The following CWC27 variants were observed in gnomAD, a reference collection of about 807,000 sequenced individuals.
The protein encoded by CWC27 is spliceosome-associated protein CWC27 homolog.
CWC27 carries 47 observed loss-of-function variants against 63.6 expected under a neutral mutation model. The observed-to-expected ratio is 0.74, with a 90% confidence interval of 0.58 to 0.94. The LOEUF (loss-of-function observed/expected upper bound fraction) is 0.94. CWC27 is among the 40% of genes least tolerant of loss of function. The probability of loss-of-function intolerance (pLI) is 0.00; values close to 1 mark genes in which losing one functional copy is unlikely to be tolerated. For synonymous variants in CWC27, 175 were observed against 179.8 expected, an observed-to-expected ratio of 0.97 and a Z score of 0.22; for missense variants, 495 against 554.3, an observed-to-expected ratio of 0.89 and a Z score of 1.07.
At chr5:64,867,949 C>CTGT (rs879893810) in intron 10 of CWC27, among the ~76,000 whole-genome samples, 3,944 of 146,234 alleles carry the variant, frequency 0.027, 95 homozygotes, top group African/African-American at 0.066. Context: ...GGGGGGGGGG[C>CTGT]TGTTGTTGTT....
intron 10 of CWC27, among the ~76,000 whole-genome samples, chr5:64,828,307 G>C (rs1745422490): frequency 2.0e-5 from 3 of 152,060 alleles, no homozygotes; most frequent in Admixed American, 1.3e-4. Flanking sequence ...AATGTTTACA[G>C]CACCTAAATA....
At position 64,910,593 on chromosome 5, in the gene CWC27, C is replaced by T. The variant is rs1005922043; in HGVS notation, c.1042+25047C>T. On this transcript the variant is annotated intron_variant, in intron 11 of 13. Coordinates refer to ENST00000381070, the MANE Select transcript of CWC27 (RefSeq NM_005869.4). ...AGAGGCAGCAGGCCTTGCTGAGCTG[C>T]GGTGGGCTCCACCCAGTTCAAGCTT... 1.3e-4 allele frequency among the ~76,000 whole-genome samples: 20 copies of T among 152,314 alleles called. 1 individual carries two copies. The highest frequency in any genetic ancestry group is 3.9e-4 in the Admixed American group (6 of 15,310).
chr5:64,808,381 A>C, intron 10 of CWC27: 4 of 960,802 alleles, frequency 4.2e-6, no homozygotes, highest in Non-Finnish European at 5.0e-6. Flanking sequence ...CACCCTTTTC[A>C]CACTCCTGTA....
At chr5:65,003,764 G>T (rs1185968921) in intron 13 of CWC27, among the ~76,000 whole-genome samples, 3 of 151,842 alleles carry the variant, frequency 2.0e-5, no homozygotes, top group Non-Finnish European at 4.4e-5. Context: ...TGAGAAATCT[G>T]CTGATAGTCT....
At chr5:64,957,700 G>C (rs1268913198) in intron 11 of CWC27, among the ~76,000 whole-genome samples, 1 of 152,156 alleles carries the variant, frequency 6.6e-6, no homozygotes, top group Non-Finnish European at 1.5e-5. Context: ...TCCCTGATAA[G>C]TTTATGTAGT....
chr5:64,921,072 CT>C (rs1747987846), intron 11 of CWC27, among the ~76,000 whole-genome samples: 1 of 152,078 alleles, frequency 6.6e-6, no homozygotes, highest in African/African-American at 2.4e-5. Context: ...CTTGTTGTAG[CT>C]GTTTAGTGCT....
chr5:64,831,511 T>TAGAC lies in CWC27; in HGVS notation c.938+27131_938+27134dup, dbSNP rs1048913501. Among the ~76,000 whole-genome samples the TAGAC allele has an allele frequency of 2.1e-3, 325 of 151,802 alleles. 1 individual carries two copies. The highest frequency in any genetic ancestry group is 7.1e-3 in the South Asian group (34 of 4,800). On this transcript the variant is annotated intron_variant, in intron 10 of 13. Coordinates refer to ENST00000381070, the MANE Select transcript of CWC27 (RefSeq NM_005869.4). ...ATAGATAGATAGATAGATAGATAGATAGACAGACACATAGATAGATATGGA... is the reference window on the plus strand; with the variant it reads ...ATAGATAGATAGATAGATAGATAGATAGACAGACAGACACATAGATAGATATGGA...
chr5:64,895,650 A>G (rs1452319175), intron 11 of CWC27, among the ~76,000 whole-genome samples: 1 of 152,196 alleles, frequency 6.6e-6, no homozygotes, highest in Non-Finnish European at 1.5e-5. Context: ...GAGATCCACA[A>G]AAAGTTCAGA....
intron 11 of CWC27, among the ~76,000 whole-genome samples, chr5:64,921,865 C>T (rs1053229972): frequency 6.6e-6 from 1 of 152,168 alleles, no homozygotes; most frequent in African/African-American, 2.4e-5. Context: ...GTAACAAAGT[C>T]CCTTAGCATT....
intron 2 of CWC27, among the ~76,000 whole-genome samples, chr5:64,780,689 G>GCA (rs1171891056): frequency 4.1e-4 from 18 of 43,712 alleles, no homozygotes; most frequent in Admixed American, 3.4e-3. Flanking sequence ...ATACACACGC[G>GCA]CACACGCGCG....
intron 10 of CWC27, among the ~76,000 whole-genome samples, chr5:64,833,903 C>T (rs1745592502): frequency 1.3e-5 from 2 of 151,474 alleles, no homozygotes; most frequent in African/African-American, 2.4e-5. Context: ...AGTACCTAAC[C>T]ATACTTTTGG....
Position 64,786,776 on chromosome 5 carries a change from A to G in CWC27, c.599+149A>G, listed in dbSNP as rs141520687. ...ATTGGAATTATGAGTGTGTGGTTGTATTAGTTCATTTTTACACTGCTATAA... is the reference window on the plus strand; with the variant it reads ...ATTGGAATTATGAGTGTGTGGTTGTGTTAGTTCATTTTTACACTGCTATAA... On this transcript the variant is annotated intron_variant, in intron 6 of 13. Transcript: ENST00000381070. The G allele has an allele frequency of 4.0e-3, 2,260 of 563,134 alleles. 15 individuals carry two copies. The highest frequency in any genetic ancestry group is 7.6e-3 in the East Asian group (244 of 32,250). The allele number at this position is 563,134 out of a possible 1,614,324, so 34.9% of individuals were successfully genotyped here. A position where few individuals can be genotyped will look rare whatever the true frequency, so the allele number is the denominator to read the frequency against.
At chr5:64,938,318 A>T (rs1375641738) in intron 11 of CWC27, among the ~76,000 whole-genome samples, 2 of 152,178 alleles carry the variant, frequency 1.3e-5, no homozygotes, top group African/African-American at 2.4e-5. Flanking sequence ...AGAATCTCTC[A>T]GCATTTGCTT....
intron 11 of CWC27, among the ~76,000 whole-genome samples, chr5:64,933,702 A>G (rs563163961): frequency 6.6e-6 from 1 of 152,236 alleles, no homozygotes; most frequent in African/African-American, 2.4e-5. Flanking sequence ...CATATTGGCC[A>G]GGCTGGTCTC....
chr5:64,804,193 G>T, intron 9 of CWC27, 36 bp from the exon 10 acceptor site: 1 of 1,550,148 alleles, frequency 6.5e-7, no homozygotes, highest in South Asian at 1.2e-5. Context: ...AGGGGAAATT[G>T]AGCACCTGGC....
At chr5:64,972,175 C>T (rs547843751) in intron 12 of CWC27, among the ~76,000 whole-genome samples, 3 of 152,042 alleles carry the variant, frequency 2.0e-5, no homozygotes, top group Admixed American at 2.0e-4. Context: ...TCTTCCAGCC[C>T]GACATCTCGC....
In CWC27 at chr5:64,804,304, G is replaced by A. The variant is rs1218885951; in HGVS notation, c.856G>A (p.Ala286Thr). 6.2e-7 allele frequency: 1 copy of A among 1,612,920 alleles called. No individual in the cohort carries two copies. Among genetic ancestry groups the A allele is most frequent in the Admixed American group, 1.7e-5 (1 of 59,866 alleles). Residue 286 changes from alanine to threonine, a missense_variant, in exon 10 of 14, where the codon GCC (alanine) becomes ACC (threonine). By Grantham distance (58) the Ala-to-Thr change is moderately conservative. This residue lies in a region of CWC27 where 463 missense variants were observed against 498.1 expected (regional missense o/e 0.93). Coordinates refer to ENST00000381070, the MANE Select transcript of CWC27 (RefSeq NM_005869.4). ...AAAGAACCTGATGAGAGAAAGAATT[G>A]CCAAAAAATTAAAAAAGGACACAAG... ...DEKNLMRERIAKKLKKDTSAN... is the reference protein window; with the variant it reads ...DEKNLMRERITKKLKKDTSAN...
At chr5:64,861,394 A>G (rs755833907) in intron 10 of CWC27, among the ~76,000 whole-genome samples, 12 of 151,996 alleles carry the variant, frequency 7.9e-5, no homozygotes, top group Non-Finnish European at 1.5e-4. Flanking sequence ...CTTAGCAGGT[A>G]TCTCATGGTC....
At chr5:64,971,676 T>C in intron 11 of CWC27, 27 bp from the exon 12 acceptor site, 1 of 1,517,798 alleles carries the variant, frequency 6.6e-7, no homozygotes, top group Non-Finnish European at 8.9e-7. Flanking sequence ...TTACTGCTTA[T>C]TCTAAAAATA....
Sources: gnomAD v4.1 joint callset for allele counts (sites outside exome capture counted in the v4.1 genomes callset) on GRCh38, gnomAD v4.1.1 for gene constraint, gnomAD v4.1.1 regional missense constraint, MANE v1.5 for transcripts, NCBI Gene and HGNC (gene_info 2026-07-23, HGNC 2026-07-21) for gene names.